SLC19A1: variants seen among roughly 807,000 people sequenced by gnomAD.
The protein encoded by SLC19A1 is reduced folate transporter.
SLC19A1 carries 37 observed loss-of-function variants against 35.3 expected under a neutral mutation model. That is an observed-to-expected ratio of 1.05 (90% CI 0.81 to 1.38). The LOEUF is 1.38. Ranked by LOEUF, SLC19A1 falls within the 40% of genes most tolerant of loss-of-function variation. The pLI is 0.00. For missense variants in SLC19A1, 831 were observed against 826.9 expected (o/e 1.00, Z -0.06); for synonymous variants, 460 against 398.5 (o/e 1.15, Z -1.84).
Position 45,517,224 on chromosome 21 carries a change from G to A in SLC19A1, c.1294-1084C>T, listed in dbSNP as rs1453398539. On this transcript the variant is annotated intron_variant, in intron 5 of 5. Transcript: ENST00000311124. This position sits in a 1 kb window ranked among gnomAD's most constrained non-coding sequence, Gnocchi z 4.4. ...GAAAAGACAACAGATGCAGAAAAAA[G>A]AGCCCATGGAAGCAGCTCTCTCTGG... Among the ~76,000 whole-genome samples the A allele has an allele frequency of 6.6e-6, 1 of 152,164 alleles. No homozygotes were observed. The highest frequency in any genetic ancestry group is 1.5e-5 in the Non-Finnish European group (1 of 68,022).
At chr21:45,556,486 T>C (rs746141438) in intron 1 of SLC19A1, among the ~76,000 whole-genome samples, 22 of 152,392 alleles carry the variant, frequency 1.4e-4, no homozygotes, top group African/African-American at 4.8e-4. Context: ...GTAATTCTTA[T>C]GTGAAATCCT....
Position 45,537,828 on chromosome 21 carries a change from C to A in SLC19A1, c.132G>T (p.Gly44=). Residue 44 remains glycine, a synonymous_variant, in exon 2 of 6, where the codon GGG becomes GGT. Transcript: ENST00000311124. The part of the protein sequence containing the change: ...FYGFMAQIRP[G]ESFITPYLLG... Reference sequence around the variant, plus strand: ...GGAGGTAGGGGGTGATGAAGCTCTCCCCTGGCCGTATCTGCGCCATGAAGC... The same window carrying A: ...GGAGGTAGGGGGTGATGAAGCTCTCACCTGGCCGTATCTGCGCCATGAAGC... 6.2e-7 allele frequency: 1 copy of A among 1,607,062 alleles called. No homozygotes were observed. Among genetic ancestry groups the A allele is most frequent in the Non-Finnish European group, 8.5e-7 (1 of 1,177,944 alleles).
downstream of SLC19A1, chr21:45,512,074 C>A (rs2037643375): frequency 3.5e-6 from 4 of 1,157,886 alleles, no homozygotes; most frequent in South Asian, 2.6e-5. Context: ...GCCTCTGCAG[C>A]CCCCTGGTAA....
chr21:45,555,161 GGGGGCGGCGCAGGGGGCGGTGCA>G, intron 1 of SLC19A1, among the ~76,000 whole-genome samples: 6 of 61,868 alleles, frequency 9.7e-5, no homozygotes, highest in South Asian at 5.7e-4. Flanking sequence ...AGGGGGCGGC[GGGGGCGGCGCAGGGGGCGGTGCA>G]GGGGGCGGCG....
chr21:45,523,088 C>T (rs1390734353), intron 5 of SLC19A1, among the ~76,000 whole-genome samples: 1 of 152,068 alleles, frequency 6.6e-6, no homozygotes, highest in Non-Finnish European at 1.5e-5. Context: ...AAGCTCTAGC[C>T]CTGTCTGTCC....
intron 3 of SLC19A1, among the ~76,000 whole-genome samples, chr21:45,503,587 G>C (rs1336914947): frequency 7.0e-6 from 1 of 142,094 alleles, no homozygotes; most frequent in Non-Finnish European, 1.5e-5. Flanking sequence ...ACTGAACAAT[G>C]AGATCACATG....
At chr21:45,505,401 G>A (rs1307752762) in intron 3 of SLC19A1, 6 of 1,583,876 alleles carry the variant, frequency 3.8e-6, no homozygotes, top group Non-Finnish European at 4.3e-6. Context: ...GGCCCCCTGG[G>A]CCCCCTGGAA....
intron 1 of SLC19A1, among the ~76,000 whole-genome samples, chr21:45,558,256 C>A (rs1371681236): frequency 6.6e-6 from 1 of 152,264 alleles, no homozygotes; most frequent in Non-Finnish European, 1.5e-5. Flanking sequence ...GGCTGAGACC[C>A]CCCAAGTCCA....
chr21:45,534,437 C>T lies in SLC19A1; in HGVS notation c.190-2289G>A. 1.0e-6 allele frequency: 1 copy of T among 972,594 alleles called. No individual in the cohort carries two copies. Among genetic ancestry groups the T allele is most frequent in the Non-Finnish European group, 1.5e-6 (1 of 647,440 alleles). 60.2% of individuals were successfully genotyped at this position (972,594 alleles called of 1,614,324 possible). A position where few individuals can be genotyped will look rare whatever the true frequency, so the allele number is the denominator to read the frequency against. On this transcript the variant is annotated intron_variant, in intron 2 of 5. Coordinates refer to ENST00000311124, the MANE Select transcript of SLC19A1 (RefSeq NM_194255.4). The surrounding 1 kb of genome is among the most constrained non-coding windows in gnomAD (Gnocchi z 4.2). The stretch of plus-strand genomic sequence containing the variant: ...CTGGCCGGGGCACAGGTTCTGCCCA[C>T]AGCCCAGAGTCAAAATGGTAGACAG...
intron 4 of SLC19A1, among the ~76,000 whole-genome samples, chr21:45,527,258 G>T (rs886267362): frequency 6.8e-6 from 1 of 147,910 alleles, no homozygotes; most frequent in Non-Finnish European, 1.5e-5. Context: ...GCCTGGAGGC[G>T]GGGCAGGCCC....
rs1028700659 is a variant in SLC19A1, at chr21:45,561,626, T to C, written c.-50+1116A>G. ...AAATACAAAAATTACCCAAGTGTGGTGGCATGCACCTGTAGTCCCAGCTAT... is the reference window on the plus strand; with the variant it reads ...AAATACAAAAATTACCCAAGTGTGGCGGCATGCACCTGTAGTCCCAGCTAT... On this transcript the variant is annotated intron_variant, in intron 1 of 5. Transcript: ENST00000650808. Among the ~76,000 whole-genome samples the C allele has an allele frequency of 4.6e-5, 7 of 152,000 alleles. No individual in the cohort carries two copies. In the East Asian group the frequency reaches 1.4e-3, roughly 30 times the overall value.
intron 5 of SLC19A1, among the ~76,000 whole-genome samples, chr21:45,522,258 AT>A (rs1345838661): frequency 6.6e-6 from 1 of 152,078 alleles, no homozygotes; most frequent in Non-Finnish European, 1.5e-5. Flanking sequence ...AAACAATATT[AT>A]GCCCCAGGGA....
At chr21:45,505,313 C>T (rs370112201) in intron 3 of SLC19A1, 246 of 1,601,702 alleles carry the variant, frequency 1.5e-4, no homozygotes, top group African/African-American at 1.4e-3. Flanking sequence ...GGGCAGAGGC[C>T]GCCTCGTGTG....
intron 5 of SLC19A1, among the ~76,000 whole-genome samples, chr21:45,518,325 A>G (rs2038068862): frequency 6.6e-6 from 1 of 152,210 alleles, no homozygotes; most frequent in South Asian, 2.1e-4. Context: ...AAAAGAAAAA[A>G]TGGACTGAAA....
At position 45,515,536 on chromosome 21, in the gene SLC19A1, C is replaced by T; in HGVS notation, c.*122G>A. 1.3e-6 allele frequency: 2 copies of T among 1,536,930 alleles called. No individual in the cohort carries two copies. Among genetic ancestry groups the T allele is most frequent in the South Asian group, 2.5e-5 (2 of 79,154 alleles). ...AGTGCGGCACAGGGCAGGGGGAATC[C>T]TAGGGGGCCTGCTAGCAGGATAAGC... On this transcript the variant is annotated 3_prime_UTR_variant, in exon 6 of 6. Transcript: ENST00000311124.
At position 45,534,485 on chromosome 21, in the gene SLC19A1, A is replaced by AC; in HGVS notation, c.190-2338dup. On this transcript the variant is annotated intron_variant, in intron 2 of 5. Coordinates refer to ENST00000311124, the MANE Select transcript of SLC19A1 (RefSeq NM_194255.4). The surrounding 1 kb of genome is among the most constrained non-coding windows in gnomAD (Gnocchi z 4.2). Reference sequence around the variant, plus strand: ...CAGCCAGCAGAGAGGCTCTCCCCAGACCCCACGGCTCTCTGGAAAAGGGCG... The same window carrying AC: ...CAGCCAGCAGAGAGGCTCTCCCCAGACCCCCACGGCTCTCTGGAAAAGGGCG... 1 of 1,372,702 alleles carries AC rather than the reference A, an allele frequency of 7.3e-7. No homozygotes were observed. The allele number at this position is 1,372,702 out of a possible 1,614,324, so 85.0% of individuals were successfully genotyped here.
intron 5 of SLC19A1, among the ~76,000 whole-genome samples, chr21:45,518,353 C>A (rs1372344541): frequency 6.6e-6 from 1 of 152,070 alleles, no homozygotes; most frequent in Non-Finnish European, 1.5e-5. Flanking sequence ...AACAAAGCCT[C>A]ATTCCTTGTG....
upstream of SLC19A1, among the ~76,000 whole-genome samples, chr21:45,545,259 G>T (rs75217197): frequency 0.015 from 2,361 of 152,326 alleles, 70 homozygotes; most frequent in African/African-American, 0.053. Flanking sequence ...GGCGGGAGGT[G>T]TTGGATCATG....
chr21:45,531,833 C>T lies in SLC19A1; in HGVS notation c.505G>A (p.Val169Met). The T allele has an allele frequency of 6.3e-7, 1 of 1,587,548 alleles. No homozygotes were observed. The highest frequency in any genetic ancestry group is 1.3e-5 in the African/African-American group (1 of 74,212). Residue 169 changes from valine to methionine, a missense_variant, in exon 3 of 6, where the codon GTG becomes ATG. Val to Met is a conservative substitution (Grantham distance 21, BLOSUM62 1). Transcript: ENST00000311124. ...ACAGTGACCAGCAGCTGGCCCAGCA[C>T]GGAGCTGGTGAACACGCCCAGCAGC... ...AVLLGVFTSS[V>M]LGQLLVTVGR...
Sources: allele counts gnomAD v4.1 joint callset (sites outside exome capture counted in the v4.1 genomes callset), GRCh38; gene constraint gnomAD v4.1.1; non-coding constraint Gnocchi (gnomAD v3.1); transcripts MANE v1.5; gene names NCBI Gene and HGNC (gene_info 2026-07-23, HGNC 2026-07-21).